Variants in CCDC152 observed in about 807,000 individuals in gnomAD.
The protein encoded by CCDC152 is coiled-coil domain containing 152.
Under a neutral mutation model 38.1 loss-of-function variants are expected in CCDC152, and 37 were observed. The observed-to-expected ratio is 0.97, with a 90% CI of 0.75 to 1.28. CCDC152 has a LOEUF of 1.28. Ranked by LOEUF, CCDC152 falls within the 50% of genes most tolerant of loss-of-function variation. The pLI is 0.00. For synonymous variants in CCDC152, 83 were observed against 87.1 expected (o/e 0.95, Z 0.26); for missense variants, 259 against 292.1 (o/e 0.89, Z 0.83).
intron 5 of CCDC152, among the ~76,000 whole-genome samples, chr5:42,780,885 C>T (rs963775772): frequency 6.6e-6 from 1 of 152,006 alleles, no homozygotes; most frequent in Admixed American, 6.6e-5. Context: ...TCCCAGAAAG[C>T]ATATGAAAAG....
Position 42,800,926 on chromosome 5 carries a change from A to C in CCDC152, c.*1145A>C. ...TCTTTACACTGTCAGGTGATTGCAG[A>C]CCCTGTTTTTTCAAATATCAGATGT... On this transcript the variant is annotated 3_prime_UTR_variant, in exon 9 of 9. Transcript: ENST00000361970. The C allele has an allele frequency of 6.2e-7, 1 of 1,614,194 alleles. No individual in the cohort carries two copies. Among genetic ancestry groups the C allele is most frequent in the South Asian group, 1.1e-5 (1 of 91,088 alleles).
intron 7 of CCDC152, among the ~76,000 whole-genome samples, chr5:42,797,612 G>T (rs961449875): frequency 1.3e-5 from 2 of 152,038 alleles, no homozygotes; most frequent in African/African-American, 4.8e-5. Context: ...TACCATTCCA[G>T]CATGGGAAGA....
At chr5:42,770,027 A>G (rs1414225167) in intron 4 of CCDC152, among the ~76,000 whole-genome samples, 2 of 152,242 alleles carry the variant, frequency 1.3e-5, no homozygotes, top group African/African-American at 2.4e-5. Flanking sequence ...TATTTAAACC[A>G]CAGTGATAGT....
chr5:42,779,561 G>A, intron 5 of CCDC152, 39 bp downstream of exon 5: 1 of 1,129,874 alleles, frequency 8.9e-7, no homozygotes, highest in Non-Finnish European at 1.3e-6. Context: ...AAGTCCCTGT[G>A]GAGATTTATC....
intron 4 of CCDC152, among the ~76,000 whole-genome samples, chr5:42,778,083 G>A (rs570892997): frequency 1.6e-4 from 24 of 152,316 alleles, no homozygotes; most frequent in African/African-American, 5.8e-4. Flanking sequence ...AGTTAAGGTT[G>A]TAGAGGGGAA....
At position 42,796,961 on chromosome 5, in the gene CCDC152, G is replaced by A. The variant is rs911087906; in HGVS notation, c.558+5G>A. The A allele has an allele frequency of 1.3e-6, 2 of 1,505,794 alleles. No homozygotes were observed. Among genetic ancestry groups the A allele is most frequent in the Non-Finnish European group, 8.9e-7 (1 of 1,128,372 alleles). 93.3% of individuals were successfully genotyped at this position (1,505,794 alleles called of 1,614,324 possible). A position where few individuals can be genotyped will look rare whatever the true frequency, so the allele number is the denominator to read the frequency against. The stretch of plus-strand genomic sequence containing the variant: ...ATAATCAAGCTACAACTAGAAGTAA[G>A]TGTTTAAGAGTCTGCTAAACTTGAG... On this transcript the variant is annotated splice_donor_5th_base_variant and intron_variant, in intron 7 of 8. Coordinates refer to ENST00000361970, the MANE Select transcript of CCDC152 (RefSeq NM_001134848.2).
At chr5:42,760,310 A>C (rs1266624218) in intron 2 of CCDC152, among the ~76,000 whole-genome samples, 2 of 151,636 alleles carry the variant, frequency 1.3e-5, no homozygotes, top group Non-Finnish European at 2.9e-5. Context: ...TCTCAAAAAA[A>C]AAAAAAAAAA....
intron 4 of CCDC152, among the ~76,000 whole-genome samples, chr5:42,770,241 C>T (rs531388155): frequency 1.6e-4 from 24 of 152,264 alleles, no homozygotes; most frequent in African/African-American, 5.5e-4. Flanking sequence ...ACTAAATTGC[C>T]TTAAAGGCCC....
chr5:42,762,574 G>A (rs1486970147), intron 3 of CCDC152, 26 bp downstream of exon 3: 5 of 1,158,134 alleles, frequency 4.3e-6, no homozygotes, highest in Non-Finnish European at 6.3e-6. Flanking sequence ...CCTGAGGAAT[G>A]CTAATTCTAA....
chr5:42,797,183 C>T (rs190316743), intron 7 of CCDC152, among the ~76,000 whole-genome samples: 2 of 152,168 alleles, frequency 1.3e-5, no homozygotes, highest in South Asian at 2.1e-4. Context: ...TTGAGTTGTT[C>T]GAAAGTTCCT....
At chr5:42,789,519 G>A (rs561210561) in intron 6 of CCDC152, among the ~76,000 whole-genome samples, 28 of 152,076 alleles carry the variant, frequency 1.8e-4, no homozygotes, top group African/African-American at 6.5e-4. Flanking sequence ...TTTAATTTGG[G>A]TTTTGTACCT....
intron 5 of CCDC152, among the ~76,000 whole-genome samples, chr5:42,780,931 C>T (rs1759835966): frequency 6.6e-6 from 1 of 152,054 alleles, no homozygotes; most frequent in South Asian, 2.1e-4. Context: ...GGATTAGTCT[C>T]CTTAGAAAAA....
rs1760183492 is a variant in CCDC152, at chr5:42,801,048, T to A, written c.*1267T>A. 1.2e-6 allele frequency: 2 copies of A among 1,614,254 alleles called. No homozygotes were observed. Among genetic ancestry groups the A allele is most frequent in the Non-Finnish European group, 1.7e-6 (2 of 1,180,042 alleles). On this transcript the variant is annotated 3_prime_UTR_variant, in exon 9 of 9. Transcript: ENST00000361970. Reference sequence around the variant, plus strand: ...ACATCTCTTTCGACAGAGCTTCTTTTGTAAATCTTGTAAATCTTCACTTGC... The same window carrying A: ...ACATCTCTTTCGACAGAGCTTCTTTAGTAAATCTTGTAAATCTTCACTTGC...
At chr5:42,781,236 G>T (rs1759839949) in intron 5 of CCDC152, among the ~76,000 whole-genome samples, 1 of 152,142 alleles carries the variant, frequency 6.6e-6, no homozygotes, top group Non-Finnish European at 1.5e-5. Context: ...CTCTGTAGTT[G>T]CCCATCTAGA....
intron 1 of CCDC152, among the ~76,000 whole-genome samples, chr5:42,757,694 C>G (rs193071483): frequency 6.6e-6 from 1 of 152,202 alleles, no homozygotes; most frequent in Non-Finnish European, 1.5e-5. Flanking sequence ...GCCATTATGG[C>G]AAAAGGGATA....
intron 6 of CCDC152, among the ~76,000 whole-genome samples, chr5:42,787,746 T>C (rs1720341418): frequency 6.6e-6 from 1 of 152,182 alleles, no homozygotes; most frequent in Non-Finnish European, 1.5e-5. Context: ...TTAAAGTCTG[T>C]TTTAATTGAT....
At chr5:42,767,910 A>C (rs775069139) in intron 3 of CCDC152, among the ~76,000 whole-genome samples, 5 of 152,208 alleles carry the variant, frequency 3.3e-5, no homozygotes, top group Non-Finnish European at 7.3e-5. Flanking sequence ...ACACTCATGA[A>C]GCAGATTCTC....
At chr5:42,791,966 C>T (rs1463205683) in intron 6 of CCDC152, among the ~76,000 whole-genome samples, 1 of 152,124 alleles carries the variant, frequency 6.6e-6, no homozygotes, top group Non-Finnish European at 1.5e-5. Context: ...GCATCTTGAC[C>T]CTAGTTATTG....
chr5:42,758,156 A>T (rs1452615029), intron 1 of CCDC152, among the ~76,000 whole-genome samples: 1 of 152,222 alleles, frequency 6.6e-6, no homozygotes, highest in Non-Finnish European at 1.5e-5. Context: ...TATACAGCCA[A>T]AAATCTGAGA....
Sources: gnomAD v4.1 joint callset for allele counts (sites outside exome capture counted in the v4.1 genomes callset) on GRCh38, gnomAD v4.1.1 for gene constraint, MANE v1.5 for transcripts, NCBI Gene and HGNC (gene_info 2026-07-23, HGNC 2026-07-21) for gene names.